CA8: variants seen among roughly 807,000 people sequenced by gnomAD.
CA8 encodes carbonic anhydrase 8 (inactive).
In CA8, 22 loss-of-function variants were observed where a neutral mutation model predicts 41.4. That is an observed-to-expected ratio of 0.53 (90% CI 0.38 to 0.76). The LOEUF is 0.76. Among genes scored for constraint, CA8 ranks in the 30% least tolerant of loss-of-function variants. The probability of loss-of-function intolerance (pLI) is 0.00; values close to 1 mark genes in which losing one functional copy is unlikely to be tolerated. For synonymous variants in CA8, 121 were observed against 130.6 expected (o/e 0.93, Z 0.50); for missense variants, 270 against 352.8 (o/e 0.77, Z 1.88).
intron 2 of CA8, among the ~76,000 whole-genome samples, chr8:60,275,159 G>T (rs1014289079): frequency 2.6e-5 from 4 of 152,098 alleles, no homozygotes; most frequent in African/African-American, 7.2e-5. Context: ...AAGCAACAAA[G>T]ACTCCTCCAA....
At chr8:60,205,758 AT>A (rs1413815587) in intron 8 of CA8, among the ~76,000 whole-genome samples, 1 of 152,170 alleles carries the variant, frequency 6.6e-6, no homozygotes, top group Non-Finnish European at 1.5e-5. Context: ...CAGACATGTC[AT>A]TTTTTTAAAA....
At chr8:60,254,616 A>T (rs1303997696) in intron 3 of CA8, among the ~76,000 whole-genome samples, 1 of 152,230 alleles carries the variant, frequency 6.6e-6, no homozygotes, top group Non-Finnish European at 1.5e-5. Flanking sequence ...CCAGTGCTGT[A>T]CAACACAAAT....
At position 60,190,162 on chromosome 8, in the gene CA8, A is replaced by G. The variant is rs1806074495; in HGVS notation, c.*36-177T>C. ...TTTGTTATCTCTGCAATTTTTCCACAAAGTTTACCATAATTTTATTTCTAT... is the reference window on the plus strand; with the variant it reads ...TTTGTTATCTCTGCAATTTTTCCACGAAGTTTACCATAATTTTATTTCTAT... On this transcript the variant is annotated intron_variant, in intron 8 of 8. Coordinates refer to ENST00000317995, the MANE Select transcript of CA8 (RefSeq NM_004056.6). 3.3e-5 allele frequency among the ~76,000 whole-genome samples: 5 copies of G among 152,080 alleles called. No individual in the cohort carries two copies. In the South Asian group the frequency reaches 1.0e-3, roughly 32 times the overall value.
chr8:60,253,992 G>A (rs374460162), intron 3 of CA8, among the ~76,000 whole-genome samples: 26 of 152,240 alleles, frequency 1.7e-4, no homozygotes, highest in African/African-American at 5.8e-4. Flanking sequence ...TATCTCTCAC[G>A]GTCATACCCT....
At chr8:60,225,600 G>T (rs1807409319) in intron 5 of CA8, among the ~76,000 whole-genome samples, 1 of 152,184 alleles carries the variant, frequency 6.6e-6, no homozygotes, top group African/African-American at 2.4e-5. Context: ...TTCAGTGGAG[G>T]TTCTGCCTGG....
At position 60,227,292 on chromosome 8, in the gene CA8, C is replaced by CA. The variant is rs879675312; in HGVS notation, c.514-358dup. On this transcript the variant is annotated intron_variant, in intron 4 of 8. Transcript: ENST00000317995. ...TGGATGACACAGCAAGACTCTGTCT[C>CA]AAAAAAAAAAAACTAACAGAACTCG... Among the ~76,000 whole-genome samples, 746 of 137,578 alleles carry CA rather than the reference C, an allele frequency of 5.4e-3. 3 individuals carry two copies. The highest frequency in any genetic ancestry group is 0.013 in the African/African-American group (476 of 37,482). The allele number at this position is 137,578 out of a possible 152,430, so 90.3% of individuals were successfully genotyped here.
At chr8:60,226,988 T>C in intron 4 of CA8, 53 bp from the exon 5 acceptor site, 1 of 1,329,108 alleles carries the variant, frequency 7.5e-7, no homozygotes. Flanking sequence ...GTGTTTAGCT[T>C]TAACTAAAAA....
chr8:60,255,051 A>T (rs1461409051), intron 3 of CA8, among the ~76,000 whole-genome samples: 1 of 152,096 alleles, frequency 6.6e-6, no homozygotes, highest in Non-Finnish European at 1.5e-5. Context: ...AATTTGAGAG[A>T]GTCATCAATC....
At chr8:60,234,934 GT>G (rs1231342464) in intron 3 of CA8, among the ~76,000 whole-genome samples, 3 of 152,166 alleles carry the variant, frequency 2.0e-5, no homozygotes, top group Non-Finnish European at 4.4e-5. Context: ...GCTAATTCAA[GT>G]ACCAGGCAAA....
intron 7 of CA8, among the ~76,000 whole-genome samples, chr8:60,212,577 T>C (rs1260919886): frequency 6.6e-6 from 1 of 152,174 alleles, no homozygotes; most frequent in Non-Finnish European, 1.5e-5. Flanking sequence ...CACTTATATG[T>C]GGAATCTAAA....
At chr8:60,280,041 C>A (rs1193704805) in intron 1 of CA8, among the ~76,000 whole-genome samples, 161 bp from the exon 2 acceptor site, 2 of 152,024 alleles carry the variant, frequency 1.3e-5, no homozygotes, top group East Asian at 3.8e-4. Flanking sequence ...TTTTTGCATT[C>A]ATTATTTGAA....
intron 3 of CA8, among the ~76,000 whole-genome samples, chr8:60,237,089 T>C (rs1017741161): frequency 5.3e-5 from 8 of 152,158 alleles, no homozygotes; most frequent in African/African-American, 1.9e-4. Flanking sequence ...CCTGTGCACT[T>C]CTCCAGCTCC....
intron 8 of CA8, among the ~76,000 whole-genome samples, chr8:60,206,881 T>C (rs1389876605): frequency 1.3e-5 from 2 of 151,976 alleles, no homozygotes; most frequent in Non-Finnish European, 2.9e-5. Context: ...CCTCTCTCCA[T>C]CTACTTGCTC....
At chr8:60,266,595 C>T (rs1317996530) in intron 2 of CA8, among the ~76,000 whole-genome samples, 1 of 152,170 alleles carries the variant, frequency 6.6e-6, no homozygotes, top group Non-Finnish European at 1.5e-5. Context: ...GATGGACATT[C>T]ATTACCACAA....
intron 8 of CA8, among the ~76,000 whole-genome samples, chr8:60,190,571 G>T (rs1424337398): frequency 6.7e-6 from 1 of 148,922 alleles, no homozygotes; most frequent in Non-Finnish European, 1.5e-5. Context: ...TGAACTTTTT[G>T]ATGTTGAACT....
chr8:60,245,813 G>C (rs1165786252), intron 3 of CA8, among the ~76,000 whole-genome samples: 1 of 152,164 alleles, frequency 6.6e-6, no homozygotes, highest in Non-Finnish European at 1.5e-5. Flanking sequence ...AACCAAAAAA[G>C]CTCAACAATT....
At chr8:60,202,591 T>G (rs1278808161) in intron 8 of CA8, among the ~76,000 whole-genome samples, 3 of 152,212 alleles carry the variant, frequency 2.0e-5, no homozygotes, top group Non-Finnish European at 4.4e-5. Context: ...TACTTCATGC[T>G]GTGTCTAAGA....
intron 2 of CA8, among the ~76,000 whole-genome samples, chr8:60,271,853 C>G (rs1005469495): frequency 6.6e-6 from 1 of 152,226 alleles, no homozygotes; most frequent in African/African-American, 2.4e-5. Context: ...CTTTATACCA[C>G]TGCAAAGATG....
intron 3 of CA8, among the ~76,000 whole-genome samples, chr8:60,234,872 T>C (rs569707241): frequency 7.2e-5 from 11 of 152,234 alleles, no homozygotes; most frequent in African/African-American, 2.6e-4. Flanking sequence ...TTTCTCTCAT[T>C]TTCAGGCCAA....
Sources: gnomAD v4.1 joint callset for allele counts (sites outside exome capture counted in the v4.1 genomes callset) on GRCh38, gnomAD v4.1.1 for gene constraint, MANE v1.5 for transcripts, NCBI Gene and HGNC (gene_info 2026-07-23, HGNC 2026-07-21) for gene names.